Variants in DIP2C observed in about 807,000 individuals in gnomAD.
The protein encoded by DIP2C is disco-interacting protein 2 homolog C.
In DIP2C, 33 loss-of-function variants were observed where a neutral mutation model predicts 192.4. That is an observed-to-expected ratio of 0.17 (90% CI 0.13 to 0.23). The LOEUF is 0.23. Ranked by LOEUF, DIP2C falls within the 10% of genes least tolerant of loss-of-function variation. The pLI, the probability that DIP2C is intolerant of heterozygous loss-of-function variation, is 1.00. For synonymous variants in DIP2C, 979 were observed against 864.1 expected (o/e 1.13, Z -2.33); for missense variants, 1,537 against 2,110.1 (o/e 0.73, Z 5.32).
At chr10:507,714 GCA>G (rs1702812480) in intron 1 of DIP2C, among the ~76,000 whole-genome samples, 1 of 152,094 alleles carries the variant, frequency 6.6e-6, no homozygotes, top group Non-Finnish European at 1.5e-5. Flanking sequence ...GTTTGTTCCC[GCA>G]CATTCCTTTC....
rs1039904588 is a variant in DIP2C, at chr10:320,979, G to A, written c.3924+6027C>T. 2.0e-5 allele frequency among the ~76,000 whole-genome samples: 3 copies of A among 151,024 alleles called. No individual in the cohort carries two copies. The South Asian group carries it at 6.3e-4, about 32-fold the overall frequency. ...GGCGGAGCAGGATGAGGGCAGAGGA[G>A]AGTCCATCCAGGCCGAGCACAGTGT... On this transcript the variant is annotated intron_variant, in intron 31 of 36. Coordinates refer to ENST00000280886, the MANE Select transcript of DIP2C (RefSeq NM_014974.3).
chr10:434,130 G>A (rs1342528792), intron 4 of DIP2C, among the ~76,000 whole-genome samples: 1 of 152,100 alleles, frequency 6.6e-6, no homozygotes, highest in East Asian at 1.9e-4. Context: ...TTGTATCACT[G>A]CTGTCATTCA....
chr10:684,889 T>G (rs1310240942), intron 1 of DIP2C, among the ~76,000 whole-genome samples: 1 of 151,820 alleles, frequency 6.6e-6, no homozygotes, highest in Non-Finnish European at 1.5e-5. Flanking sequence ...TCCCAACACT[T>G]TGGGAGGCTG....
At chr10:548,911 C>CGAAAAAAAAA (rs1348217783) in intron 1 of DIP2C, among the ~76,000 whole-genome samples, 4 of 26,458 alleles carry the variant, frequency 1.5e-4, no homozygotes. Context: ...TAGCAGCTCA[C>CGAAAAAAAAA]AAAAAAAAAA....
At chr10:385,044 C>T (rs550430623) in intron 14 of DIP2C, among the ~76,000 whole-genome samples, 15 of 145,308 alleles carry the variant, frequency 1.0e-4, no homozygotes, top group Admixed American at 3.4e-4. Flanking sequence ...CCAGGCTGCA[C>T]GGGCCCTGAG....
chr10:667,898 C>T (rs986740701), intron 1 of DIP2C: 3 of 152,118 alleles, frequency 2.0e-5, no homozygotes, highest in African/African-American at 4.8e-5. Flanking sequence ...CACACTCATA[C>T]AGCACATGTA....
intron 29 of DIP2C, among the ~76,000 whole-genome samples, chr10:337,035 T>G (rs1957826050): frequency 1.8e-5 from 1 of 54,822 alleles, no homozygotes; most frequent in African/African-American, 9.4e-5. Flanking sequence ...GTGTGTGTTG[T>G]GGAGGCCTAG....
At chr10:629,553 T>C (rs750407459) in intron 1 of DIP2C, among the ~76,000 whole-genome samples, 58 of 152,282 alleles carry the variant, frequency 3.8e-4, no homozygotes, top group Non-Finnish European at 6.2e-4. Flanking sequence ...ACTCTCAGAG[T>C]GGAGACCACA....
intron 4 of DIP2C, among the ~76,000 whole-genome samples, chr10:423,624 G>A (rs955570648): frequency 6.6e-6 from 1 of 152,120 alleles, no homozygotes; most frequent in African/African-American, 2.4e-5. Flanking sequence ...AGATACCCAT[G>A]CAGCTGATTT....
chr10:476,345 C>G (rs1204415636), intron 2 of DIP2C, among the ~76,000 whole-genome samples: 1 of 152,170 alleles, frequency 6.6e-6, no homozygotes, highest in Non-Finnish European at 1.5e-5. Flanking sequence ...CGGTCGTGGC[C>G]CCAATCCGTC....
chr10:459,928 C>A (rs760328385), intron 3 of DIP2C, among the ~76,000 whole-genome samples: 22 of 126,910 alleles, frequency 1.7e-4, no homozygotes, highest in Middle Eastern at 0.013. Flanking sequence ...CATCAGGGAA[C>A]CAACCACCTG....
intron 7 of DIP2C, 141 bp from the exon 8 acceptor site, chr10:414,251 AT>A: frequency 1.9e-6 from 2 of 1,052,550 alleles, no homozygotes; most frequent in Non-Finnish European, 2.7e-6. Flanking sequence ...CTTTTCTAGA[AT>A]TGGGGTCTAT....
intron 13 of DIP2C, 69 bp downstream of exon 13, chr10:389,922 G>A (rs1963318146): frequency 8.2e-7 from 1 of 1,225,536 alleles, no homozygotes; most frequent in South Asian, 1.4e-5. Flanking sequence ...TCGTGGGAGT[G>A]ATGTGGCCTT....
At chr10:497,546 G>A (rs940350349) in intron 1 of DIP2C, among the ~76,000 whole-genome samples, 2 of 152,152 alleles carry the variant, frequency 1.3e-5, no homozygotes, top group South Asian at 2.1e-4. Flanking sequence ...CTGCGGCAAC[G>A]AGCTCAAGAC....
intron 18 of DIP2C, among the ~76,000 whole-genome samples, chr10:368,008 T>C (rs1272945166): frequency 1.2e-3 from 3 of 2,606 alleles, no homozygotes; most frequent in African/African-American, 1.7e-3. Context: ...CTCTCACTGC[T>C]GCACAGCCCC....
intron 1 of DIP2C, among the ~76,000 whole-genome samples, chr10:606,010 T>C (rs1159393628): frequency 6.6e-6 from 1 of 152,206 alleles, no homozygotes; most frequent in African/African-American, 2.4e-5. Context: ...TAAGACTCTC[T>C]GCAGCCCCAC....
At chr10:478,890 G>GGGGAGGAAGAGAGGGGTAGGGA (rs1843379209) in intron 2 of DIP2C, among the ~76,000 whole-genome samples, 1 of 152,136 alleles carries the variant, frequency 6.6e-6, no homozygotes, top group African/African-American at 2.4e-5. Context: ...GAGAAGATAG[G>GGGGAGGAAGAGAGGGGTAGGGA]GGGAGGAAGA....
At chr10:678,269 T>C (rs758819412) in intron 1 of DIP2C, among the ~76,000 whole-genome samples, 3 of 152,102 alleles carry the variant, frequency 2.0e-5, no homozygotes, top group Non-Finnish European at 4.4e-5. Flanking sequence ...CTGGAACCTA[T>C]ATAGGCCATC....
rs549929162 is a variant in DIP2C, at chr10:563,569, T to C, written c.86-77039A>G. 2.6e-5 allele frequency among the ~76,000 whole-genome samples: 4 copies of C among 152,006 alleles called. No individual in the cohort carries two copies. In the East Asian group the frequency reaches 7.8e-4, roughly 29 times the overall value. ...CCAACTCGCAGGAAAGCTAGAAAAA[T>C]CAGAAGGCTTAAAATATAATTATAG... On this transcript the variant is annotated intron_variant, in intron 1 of 36. Coordinates refer to ENST00000280886, the MANE Select transcript of DIP2C (RefSeq NM_014974.3).
Sources: gnomAD v4.1 joint callset for allele counts (sites outside exome capture counted in the v4.1 genomes callset) on GRCh38, gnomAD v4.1.1 for gene constraint, MANE v1.5 for transcripts, NCBI Gene and HGNC (gene_info 2026-07-23, HGNC 2026-07-21) for gene names.